Variants in PIK3AP1 observed in about 807,000 individuals in gnomAD.
The protein encoded by PIK3AP1 is phosphoinositide-3-kinase adaptor protein 1.
In PIK3AP1, 21 loss-of-function variants were observed where a neutral mutation model predicts 88.1. That is an observed-to-expected ratio of 0.24 (90% CI 0.17 to 0.34). The LOEUF (loss-of-function observed/expected upper bound fraction) is 0.34. PIK3AP1 is among the 10% of genes least tolerant of loss of function. The pLI, the probability that PIK3AP1 is intolerant of heterozygous loss-of-function variation, is 1.00. For missense variants in PIK3AP1, 828 were observed against 1,035.7 expected, an observed-to-expected ratio of 0.80 and a Z score of 2.75; for synonymous variants, 398 against 400.0, an observed-to-expected ratio of 1.00 and a Z score of 0.06.
At chr10:96,641,751 T>G (rs566082047) in intron 8 of PIK3AP1, among the ~76,000 whole-genome samples, 3 of 152,182 alleles carry the variant, frequency 2.0e-5, no homozygotes, top group African/African-American at 4.8e-5. Flanking sequence ...GCCTTAGTTT[T>G]CTTTCCTGTG....
intron 2 of PIK3AP1, among the ~76,000 whole-genome samples, chr10:96,695,491 T>TG (rs557876181): frequency 4.5e-4 from 68 of 152,348 alleles, no homozygotes; most frequent in Non-Finnish European, 7.4e-4. Context: ...CTATTTCCTG[T>TG]GTTATCAGAT....
In PIK3AP1 at chr10:96,720,418, C is replaced by G. The variant is rs1589556770; in HGVS notation, c.-24G>C. 3.2e-6 allele frequency: 4 copies of G among 1,234,726 alleles called. No individual in the cohort carries two copies. In the Admixed American group the frequency reaches 1.7e-4, roughly 52 times the overall value. The allele number at this position is 1,234,726 out of a possible 1,614,324, so 76.5% of individuals were successfully genotyped here. A position where few individuals can be genotyped will look rare whatever the true frequency, so the allele number is the denominator to read the frequency against. ...ATGCCGCGGGGCGCCGCTCACATCCCTGGCTCGCTGCGTGCCCGGGGCCGG... is the reference window on the plus strand; with the variant it reads ...ATGCCGCGGGGCGCCGCTCACATCCGTGGCTCGCTGCGTGCCCGGGGCCGG... On this transcript the variant is annotated 5_prime_UTR_variant, in exon 1 of 17. Coordinates refer to ENST00000339364, the MANE Select transcript of PIK3AP1 (RefSeq NM_152309.3). The surrounding 1 kb of genome is among the most constrained non-coding windows in gnomAD (Gnocchi z 4.6).
At chr10:96,696,632 T>G (rs961393294) in intron 2 of PIK3AP1, among the ~76,000 whole-genome samples, 1 of 152,200 alleles carries the variant, frequency 6.6e-6, no homozygotes, top group South Asian at 2.1e-4. Flanking sequence ...CCCCATTATC[T>G]TTCTATGAAC....
At chr10:96,604,153 A>T in intron 14 of PIK3AP1, 104 bp from the exon 15 acceptor site, 1 of 959,896 alleles carries the variant, frequency 1.0e-6, no homozygotes, top group East Asian at 3.0e-5. Flanking sequence ...AATAATACAT[A>T]AGCTGTAAGT....
chr10:96,602,504 G>A, intron 15 of PIK3AP1, 106 bp from the exon 16 acceptor site: 1 of 949,336 alleles, frequency 1.1e-6, no homozygotes, highest in Non-Finnish European at 1.6e-6. Context: ...GGCTGGGGCT[G>A]AAGGTTGTTT....
chr10:96,631,250 C>G (rs936113945), intron 8 of PIK3AP1, among the ~76,000 whole-genome samples: 29 of 152,204 alleles, frequency 1.9e-4, no homozygotes, highest in Non-Finnish European at 7.3e-5. Context: ...ATTTTAATCA[C>G]TAATCACCAA....
intron 16 of PIK3AP1, among the ~76,000 whole-genome samples, chr10:96,597,273 TC>T (rs1221552540): frequency 0.012 from 201 of 16,394 alleles, no homozygotes; most frequent in East Asian, 0.083. Flanking sequence ...TTTCTTTCTT[TC>T]CTTCCTTCCT....
At chr10:96,665,494 A>C (rs1044722434) in intron 2 of PIK3AP1, among the ~76,000 whole-genome samples, 1 of 152,176 alleles carries the variant, frequency 6.6e-6, no homozygotes, top group African/African-American at 2.4e-5. Flanking sequence ...GACTGCTTCA[A>C]ATACTTTGGA....
chr10:96,705,886 T>TG (rs1425540927), intron 2 of PIK3AP1, among the ~76,000 whole-genome samples: 1 of 109,484 alleles, frequency 9.1e-6, no homozygotes, highest in Non-Finnish European at 1.8e-5. Flanking sequence ...AGCCAGTTGT[T>TG]TTTTTTTTTT....
intron 12 of PIK3AP1, 40 bp from the exon 13 acceptor site, chr10:96,616,751 G>A: frequency 7.7e-6 from 12 of 1,559,916 alleles, no homozygotes; most frequent in Non-Finnish European, 1.1e-5. Flanking sequence ...TGTACAACAG[G>A]ATGATACCCT....
chr10:96,622,498 A>G (rs940861122), intron 11 of PIK3AP1, among the ~76,000 whole-genome samples: 1 of 152,236 alleles, frequency 6.6e-6, no homozygotes, highest in Non-Finnish European at 1.5e-5. Context: ...ACCGGTGAGT[A>G]CTGAAAAAGC....
Position 96,644,671 on chromosome 10 carries a change from T to C in PIK3AP1, c.1375+802A>G, listed in dbSNP as rs547193987. Among the ~76,000 whole-genome samples the C allele has an allele frequency of 3.9e-5, 6 of 152,298 alleles. No individual in the cohort carries two copies. The East Asian group carries it at 1.2e-3, about 29-fold the overall frequency. ...TAAGAAAAATCATGATCCTGAAGAA[T>C]GATATTTTGAAAATAAGCTTACTAT... is the stretch of plus-strand genomic sequence containing the variant. On this transcript the variant is annotated intron_variant, in intron 8 of 16. Coordinates refer to ENST00000339364, the MANE Select transcript of PIK3AP1 (RefSeq NM_152309.3).
At chr10:96,635,326 C>T (rs2025452) in intron 8 of PIK3AP1, among the ~76,000 whole-genome samples, 44,906 of 152,096 alleles carry the variant, frequency 0.3, 7,070 homozygotes, top group South Asian at 0.45. Flanking sequence ...CATGTTTACA[C>T]ACAAACTGGG....
At chr10:96,604,141 T>C in intron 14 of PIK3AP1, 92 bp from the exon 15 acceptor site, 1 of 1,063,826 alleles carries the variant, frequency 9.4e-7, no homozygotes. Context: ...TTTATTGATA[T>C]AAATAATACA....
At chr10:96,633,463 C>T (rs932126064) in intron 8 of PIK3AP1, among the ~76,000 whole-genome samples, 2 of 152,146 alleles carry the variant, frequency 1.3e-5, no homozygotes, top group East Asian at 1.9e-4. Flanking sequence ...AGTAATAGTA[C>T]GTATCTCCCA....
intron 2 of PIK3AP1, among the ~76,000 whole-genome samples, chr10:96,704,524 C>T (rs1844338073): frequency 1.3e-5 from 2 of 152,064 alleles, no homozygotes; most frequent in Admixed American, 1.3e-4. Flanking sequence ...TCAAGACCAG[C>T]CTGGCCAACA....
chr10:96,628,373 T>A, intron 9 of PIK3AP1, 25 bp downstream of exon 9: 1 of 1,552,976 alleles, frequency 6.4e-7, no homozygotes, highest in South Asian at 1.1e-5. Flanking sequence ...CTCTTTTGGC[T>A]TCCCTGCTCA....
At chr10:96,616,527 G>C in intron 13 of PIK3AP1, 112 bp downstream of exon 13, 1 of 1,085,900 alleles carries the variant, frequency 9.2e-7, no homozygotes, top group Non-Finnish European at 1.4e-6. Flanking sequence ...TAAACAGTAT[G>C]ACGAGTGCTG....
chr10:96,617,908 G>T (rs1341187052), intron 12 of PIK3AP1, among the ~76,000 whole-genome samples: 1 of 152,156 alleles, frequency 6.6e-6, no homozygotes, highest in Non-Finnish European at 1.5e-5. Context: ...ACATGGAACT[G>T]GAGACACAGA....
Sources: allele counts gnomAD v4.1 joint callset (sites outside exome capture counted in the v4.1 genomes callset), GRCh38; gene constraint gnomAD v4.1.1; non-coding constraint Gnocchi (gnomAD v3.1); transcripts MANE v1.5; gene names NCBI Gene and HGNC (gene_info 2026-07-23, HGNC 2026-07-21).